The following TCIRG1 variants were observed in gnomAD, a reference collection of about 807,000 sequenced individuals.
The protein encoded by TCIRG1 is T cell immune regulator 1, ATPase H+ transporting V0 subunit a3.
Under a neutral mutation model 95.5 loss-of-function variants are expected in TCIRG1, and 86 were observed. The observed-to-expected ratio is 0.90, with a 90% CI of 0.76 to 1.08. TCIRG1 has a LOEUF of 1.08. TCIRG1 is among the 50% of genes least tolerant of loss of function. The pLI, the probability that TCIRG1 is intolerant of heterozygous loss-of-function variation, is 0.00. For missense variants in TCIRG1, 1,069 were observed against 1,140.2 expected, an observed-to-expected ratio of 0.94 and a Z score of 0.90; for synonymous variants, 499 against 501.3, an observed-to-expected ratio of 1.00 and a Z score of 0.06.
At chr11:68,044,778 G>C (rs1173261246) in intron 9 of TCIRG1, 180 bp from the exon 10 acceptor site, 1 of 737,928 alleles carries the variant, frequency 1.4e-6, no homozygotes, top group Non-Finnish European at 2.2e-6. Flanking sequence ...CAATCCATGT[G>C]GTGTCTTTGG....
chr11:68,052,133 CCCAT>C (rs1855817359), downstream of TCIRG1: 1 of 152,268 alleles, frequency 6.6e-6, no homozygotes, highest in Non-Finnish European at 1.5e-5. Flanking sequence ...CAGGCCCGAG[CCCAT>C]CCTTGTCCAC....
At chr11:68,044,604 G>T (rs1020061220) in intron 9 of TCIRG1, among the ~76,000 whole-genome samples, 2 of 152,178 alleles carry the variant, frequency 1.3e-5, no homozygotes, top group African/African-American at 2.4e-5. Flanking sequence ...TCCAATCCAG[G>T]CCCCCCTGTG....
rs1388756575 is a variant in TCIRG1 at position 68,043,571 on chromosome 11, G to T, written c.631G>T (p.Gly211Cys). ...LEQPLEHPVT[G>C]EPATWMTFLI... ...AGAGTCAGCTGAGCCTGCTCTGCAG[G>T]GCGAGCCAGCCACGTGGATGACCTT... The change falls in exon 7 of 20, where the codon GGC (glycine) becomes TGC (cysteine). Residue 211 changes from glycine (G) to cysteine (C), a missense_variant and splice_region_variant. Gly to Cys is a radical substitution (Grantham distance 159). Coordinates refer to ENST00000265686, the MANE Select transcript of TCIRG1 (RefSeq NM_006019.4). 2 of 1,608,008 alleles carry T rather than the reference G, an allele frequency of 1.2e-6. No homozygotes were observed. Among genetic ancestry groups the T allele is most frequent in the Non-Finnish European group, 1.7e-6 (2 of 1,177,950 alleles).
chr11:68,052,481 A>G (rs2134470310), downstream of TCIRG1: 1 of 152,338 alleles, frequency 6.6e-6, no homozygotes, highest in Middle Eastern at 3.4e-3. Flanking sequence ...CAGGAGCGCA[A>G]CACCTTTACT....
At position 68,044,961 on chromosome 11, in the gene TCIRG1, G is replaced by A. The variant is rs1159666762; in HGVS notation, c.1024G>A (p.Glu342Lys). Residue 342 changes from glutamate (E) to lysine (K), a missense_variant, in exon 10 of 20, where the codon GAG becomes AAG. Glu to Lys is a moderately conservative substitution (Grantham distance 56, BLOSUM62 1). Coordinates refer to ENST00000265686, the MANE Select transcript of TCIRG1 (RefSeq NM_006019.4). The stretch of plus-strand genomic sequence containing the variant: ...CTGTCTCTGCCCTGGCACCCAGATG[G>A]AGGAGGGAGTGAGTGCCGTGGCTCA... ...LQEALRDSSM[E>K]EGVSAVAHRI... 2 of 1,607,734 alleles carry A rather than the reference G, an allele frequency of 1.2e-6. No homozygotes were observed. Among genetic ancestry groups the A allele is most frequent in the African/African-American group, 1.3e-5 (1 of 75,062 alleles).
At chr11:68,043,240 T>C in intron 5 of TCIRG1, 131 bp from the exon 6 acceptor site, 1 of 1,476,688 alleles carries the variant, frequency 6.8e-7, no homozygotes, top group Non-Finnish European at 8.9e-7. Context: ...GCCTCCTGCC[T>C]TCCCCTGTGG....
chr11:68,050,575 C>A lies in TCIRG1; in HGVS notation c.2325C>A (p.Pro775=). Residue 775 remains proline, a synonymous_variant, in exon 19 of 20, where the codon CCC becomes CCA. Coordinates refer to ENST00000265686, the MANE Select transcript of TCIRG1 (RefSeq NM_006019.4). ...GCGTGGCGGCTGTGGTGCTGGTCCC[C>A]ATCTTTGCCGCCTTTGCCGTGATGA... ...EVGVAAVVLV[P]IFAAFAVMTV... The A allele has an allele frequency of 6.2e-7, 1 of 1,613,682 alleles. No homozygotes were observed. The highest frequency in any genetic ancestry group is 1.1e-5 in the South Asian group (1 of 91,090).
rs1182235762 is a variant in TCIRG1, at chr11:68,044,145, CAG to C, written c.824_825del (p.Glu275AlafsTer214). ...ACTCTGGCGCAGGTCCTCGGGGAGA[CAG>C]AGCGGTTCCTGAGCCAGGTGCTAGG... On this transcript the variant is annotated frameshift_variant, in exon 9 of 20. Transcript: ENST00000265686. LOFTEE classifies it high-confidence loss of function. 9 of 1,549,608 alleles carry C rather than the reference CAG, an allele frequency of 5.8e-6. No individual in the cohort carries two copies. Among genetic ancestry groups the C allele is most frequent in the Non-Finnish European group, 7.0e-6 (8 of 1,147,296 alleles).
rs1360979554 is a variant in TCIRG1, at chr11:68,047,979, C to T, written c.1554+7C>T. 3 of 1,612,728 alleles carry T rather than the reference C, an allele frequency of 1.9e-6. No homozygotes were observed. Among genetic ancestry groups the T allele is most frequent in the African/African-American group, 2.7e-5 (2 of 74,928 alleles). ...CCCCTTTGGCATCGATCCTGTGAGT[C>T]CTGGGATGGAGTGTCCGTGGGTGGT... On this transcript the variant is annotated splice_region_variant and intron_variant, in intron 13 of 19. Transcript: ENST00000265686.
chr11:68,045,220 G>T, intron 10 of TCIRG1, 118 bp downstream of exon 10: 1 of 1,253,994 alleles, frequency 8.0e-7, no homozygotes, highest in Non-Finnish European at 1.1e-6. Context: ...CTGGGATGAG[G>T]GGCACACATC....
chr11:68,052,625 G>A (rs929914752), downstream of TCIRG1, among the ~76,000 whole-genome samples: 1 of 152,202 alleles, frequency 6.6e-6, no homozygotes, highest in African/African-American at 2.4e-5. Context: ...CGTCCTCCAG[G>A]GCTCTTCGCT....
intron 10 of TCIRG1, among the ~76,000 whole-genome samples, chr11:68,045,358 C>A (rs940470337): frequency 6.6e-6 from 1 of 152,226 alleles, no homozygotes; most frequent in East Asian, 1.9e-4. Context: ...AGAGGCTGTG[C>A]GGTGGGCATG....
chr11:68,040,974 G>A (rs1565152262), intron 1 of TCIRG1, among the ~76,000 whole-genome samples: 1 of 152,178 alleles, frequency 6.6e-6, no homozygotes, highest in Non-Finnish European at 1.5e-5. Context: ...GGGTGGAGCC[G>A]GTGTCACTGG....
Position 68,050,060 on chromosome 11 carries a change from G to A in TCIRG1, c.2112G>A (p.Glu704=), listed in dbSNP as rs777162856. The A allele has an allele frequency of 6.2e-7, 1 of 1,613,278 alleles. No individual in the cohort carries two copies. Among genetic ancestry groups the A allele is most frequent in the African/African-American group, 1.3e-5 (1 of 75,058 alleles). ...EKAGGLDDEE[E]AELVPSEVLM... ...CAGGGGGCCTGGATGATGAAGAGGA[G>A]GCCGAGGTGGGTGCAGTGCCTTCCT... The change falls in exon 17 of 20, where the codon GAG becomes GAA. Residue 704 remains glutamate (E), a synonymous_variant. Transcript: ENST00000265686.
chr11:68,045,849 G>A (rs1855455003), intron 10 of TCIRG1, among the ~76,000 whole-genome samples: 1 of 152,232 alleles, frequency 6.6e-6, no homozygotes. Context: ...CACTGGATGA[G>A]GCAGGGCCCC....
chr11:68,045,888 G>C (rs551955501), intron 10 of TCIRG1, among the ~76,000 whole-genome samples: 2 of 152,126 alleles, frequency 1.3e-5, no homozygotes, highest in African/African-American at 4.8e-5. Flanking sequence ...GTCCCCTCCC[G>C]ACATGGGCTC....
intron 10 of TCIRG1, 75 bp from the exon 11 acceptor site, chr11:68,047,358 C>T (rs754839805): frequency 3.3e-4 from 525 of 1,570,528 alleles, no homozygotes; most frequent in Non-Finnish European, 4.2e-4. Context: ...CCAGCAGGGC[C>T]TCCGTGGCGT....
chr11:68,047,928 G>GT lies in TCIRG1; in HGVS notation c.1511dup (p.Thr505HisfsTer165). The GT allele has an allele frequency of 1.2e-6, 2 of 1,613,842 alleles. No individual in the cohort carries two copies. The highest frequency in any genetic ancestry group is 1.7e-6 in the Non-Finnish European group (2 of 1,180,028). On this transcript the variant is annotated frameshift_variant, in exon 13 of 20. Coordinates refer to ENST00000265686, the MANE Select transcript of TCIRG1 (RefSeq NM_006019.4). LOFTEE classifies it high-confidence loss of function. ...CACGATGCTTACCCTGGATCCCAAC[G>GT]TCACCGGTGTCTTCCTGGGACCCTA...
In TCIRG1 at chr11:68,039,059, C is replaced by A. The variant is rs1474305520; in HGVS notation, c.-65C>A. 2 of 152,290 alleles carry A rather than the reference C, an allele frequency of 1.3e-5. No individual in the cohort carries two copies. The highest frequency in any genetic ancestry group is 6.5e-5 in the Admixed American group (1 of 15,286). 9.4% of individuals were successfully genotyped at this position (152,290 alleles called of 1,614,324 possible). A position where few individuals can be genotyped will look rare whatever the true frequency, so the allele number is the denominator to read the frequency against. ...CTGGCGGGAGTGCAGTTCTGAGTCC[C>A]GCCCGGCGTGCGCGGAGCGGGGCAG... On this transcript the variant is annotated 5_prime_UTR_variant, in exon 1 of 20. Transcript: ENST00000265686.
Sources: gnomAD v4.1 joint callset for allele counts (sites outside exome capture counted in the v4.1 genomes callset) on GRCh38, gnomAD v4.1.1 for gene constraint, MANE v1.5 for transcripts, NCBI Gene and HGNC (gene_info 2026-07-23, HGNC 2026-07-21) for gene names.